ANKRD30B: variants seen among roughly 807,000 people sequenced by gnomAD.
ANKRD30B encodes ankyrin repeat domain 30B.
ANKRD30B carries 144 observed loss-of-function variants against 202.2 expected under a neutral mutation model. That is an observed-to-expected ratio of 0.71 (90% CI 0.62 to 0.82). ANKRD30B has a LOEUF of 0.82. Ranked by LOEUF, ANKRD30B falls within the 40% of genes least tolerant of loss-of-function variation. The probability of loss-of-function intolerance (pLI) is 0.00; values close to 1 mark genes in which losing one functional copy is unlikely to be tolerated. For synonymous variants in ANKRD30B, 508 were observed against 561.3 expected, an observed-to-expected ratio of 0.91 and a Z score of 1.34; for missense variants, 1,487 against 1,669.1, an observed-to-expected ratio of 0.89 and a Z score of 1.90.
intron 30 of ANKRD30B, among the ~76,000 whole-genome samples, chr18:14,822,139 G>A (rs1183835958): frequency 2.6e-5 from 4 of 151,998 alleles, no homozygotes; most frequent in South Asian, 4.2e-4. Context: ...TGGTGGAGGG[G>A]TCATGTCTTG....
At chr18:14,832,770 A>G (rs1233368018) in intron 34 of ANKRD30B, among the ~76,000 whole-genome samples, 6 of 152,252 alleles carry the variant, frequency 3.9e-5, no homozygotes, top group Admixed American at 3.9e-4. Flanking sequence ...AGAATGCATA[A>G]ATTAATGTGC....
the ANKRD30B span, among the ~76,000 whole-genome samples, chr18:14,874,171 A>C: frequency 6.6e-6 from 1 of 152,206 alleles, no homozygotes; most frequent in South Asian, 2.1e-4. Flanking sequence ...AGTGATTTAT[A>C]AATATGAGTG....
At chr18:14,923,520 C>T in the ANKRD30B span, among the ~76,000 whole-genome samples, 2 of 151,908 alleles carry the variant, frequency 1.3e-5, no homozygotes, top group Non-Finnish European at 2.9e-5. Flanking sequence ...GTAAGGTTTC[C>T]GACTCCAGGC....
chr18:14,924,976 G>A, the ANKRD30B span, among the ~76,000 whole-genome samples: 1 of 152,318 alleles, frequency 6.6e-6, no homozygotes, highest in South Asian at 2.1e-4. Context: ...ATCTGCAAAT[G>A]GGTAGAACAG....
intron 9 of ANKRD30B, 77 bp downstream of exon 9, chr18:14,772,305 G>A: frequency 4.8e-6 from 4 of 837,602 alleles, no homozygotes; most frequent in Non-Finnish European, 6.8e-6. Flanking sequence ...AGTGGTGTAT[G>A]TATCATTATT....
chr18:14,859,190 C>A (rs532887765), downstream of ANKRD30B, among the ~76,000 whole-genome samples: 1 of 86,146 alleles, frequency 1.2e-5, no homozygotes, highest in Admixed American at 1.1e-4. Flanking sequence ...CTGGCAGAGG[C>A]GCTCCTCACC....
chr18:14,788,048 T>C (rs1968201314), intron 15 of ANKRD30B, among the ~76,000 whole-genome samples: 1 of 152,210 alleles, frequency 6.6e-6, no homozygotes, highest in South Asian at 2.1e-4. Flanking sequence ...ATAAAGCAGC[T>C]TTTTCAGCAT....
chr18:14,840,370 T>G (rs1971365193), intron 36 of ANKRD30B, among the ~76,000 whole-genome samples: 1 of 152,074 alleles, frequency 6.6e-6, no homozygotes, highest in African/African-American at 2.4e-5. Context: ...AAACCCTGTC[T>G]CTATTAAAAA....
chr18:14,864,010 T>G, the ANKRD30B span, among the ~76,000 whole-genome samples: 1 of 152,188 alleles, frequency 6.6e-6, no homozygotes, highest in Admixed American at 6.5e-5. Context: ...AAAAATCATA[T>G]GATTATCTCA....
At chr18:14,815,257 A>G (rs1238118738) in intron 30 of ANKRD30B, among the ~76,000 whole-genome samples, 2 of 123,112 alleles carry the variant, frequency 1.6e-5, no homozygotes, top group African/African-American at 3.2e-5. Context: ...TCTATTTGCA[A>G]TAGTTGAGAA....
chr18:14,820,566 G>A (rs1970363688), intron 30 of ANKRD30B, among the ~76,000 whole-genome samples: 1 of 151,892 alleles, frequency 6.6e-6, no homozygotes, highest in Non-Finnish European at 1.5e-5. Context: ...AGTGTTTTTA[G>A]CATGAAGGGT....
intron 11 of ANKRD30B, among the ~76,000 whole-genome samples, chr18:14,781,102 A>G (rs1320886667): frequency 1.9e-4 from 5 of 25,730 alleles, no homozygotes; most frequent in Non-Finnish European, 4.0e-4. Flanking sequence ...CCATAGACCA[A>G]AAAAAAGACT....
At chr18:14,830,651 T>C (rs1342340417) in intron 33 of ANKRD30B, among the ~76,000 whole-genome samples, 2 of 152,172 alleles carry the variant, frequency 1.3e-5, no homozygotes, top group Non-Finnish European at 2.9e-5. Flanking sequence ...ACAAGGTAAC[T>C]GTACCTTTCT....
Position 14,778,016 on chromosome 18 carries a change from C to T in ANKRD30B, c.1361C>T (p.Thr454Met), listed in dbSNP as rs538767050. ...IISKSAAQNYTCLPDATYQKD... is the reference protein window; with the variant it reads ...IISKSAAQNYMCLPDATYQKD... ...TCTAAGAGTGCTGCACAGAATTATA[C>T]GTGTTTACCTGATGCTACATATCAA... Residue 454 changes from threonine to methionine, a missense_variant, in exon 10 of 44, where the codon ACG (threonine) becomes ATG (methionine). This residue lies in a region of ANKRD30B where 889 missense variants were observed against 841.4 expected (regional missense o/e 1.06). Transcript: ENST00000690538. 1.2e-5 allele frequency: 19 copies of T among 1,547,710 alleles called. No homozygotes were observed. Among genetic ancestry groups the T allele is most frequent in the African/African-American group, 4.1e-5 (3 of 72,866 alleles).
At chr18:14,808,876 T>G in intron 26 of ANKRD30B, 132 bp downstream of exon 26, 1 of 815,546 alleles carries the variant, frequency 1.2e-6, no homozygotes, top group Non-Finnish European at 1.9e-6. Context: ...ATAATGCAAA[T>G]GTTAGTATTT....
the ANKRD30B span, among the ~76,000 whole-genome samples, chr18:14,934,921 C>T: frequency 6.7e-6 from 1 of 149,966 alleles, no homozygotes; most frequent in Non-Finnish European, 1.5e-5. Context: ...CACACACACA[C>T]ACACACACAC....
At chr18:14,774,596 G>T (rs568439016) in intron 9 of ANKRD30B, among the ~76,000 whole-genome samples, 1 of 151,962 alleles carries the variant, frequency 6.6e-6, no homozygotes, top group East Asian at 1.9e-4. Flanking sequence ...TTAGCTTTTT[G>T]CCGTTCAGAA....
the ANKRD30B span, among the ~76,000 whole-genome samples, chr18:14,874,494 T>G: frequency 6.6e-6 from 1 of 152,224 alleles, no homozygotes; most frequent in Admixed American, 6.5e-5. Flanking sequence ...ACATCAACCT[T>G]AACAATTAAT....
the ANKRD30B span, among the ~76,000 whole-genome samples, chr18:14,886,505 A>G: frequency 6.6e-6 from 1 of 152,088 alleles, no homozygotes; most frequent in African/African-American, 2.4e-5. Flanking sequence ...TTACTACTAA[A>G]TATTGGTTTT....
Sources: gnomAD v4.1 joint callset for allele counts (sites outside exome capture counted in the v4.1 genomes callset) on GRCh38, gnomAD v4.1.1 for gene constraint, gnomAD v4.1.1 regional missense constraint, MANE v1.5 for transcripts, NCBI Gene and HGNC (gene_info 2026-07-23, HGNC 2026-07-21) for gene names.